Variants in WWOX observed in about 807,000 individuals in gnomAD.
The protein encoded by WWOX is WW domain containing oxidoreductase.
In WWOX, 69 loss-of-function variants were observed where a neutral mutation model predicts 46.2. That is an observed-to-expected ratio of 1.49 (90% CI 1.23 to 1.82). The LOEUF (loss-of-function observed/expected upper bound fraction) is 1.82. Among genes scored for constraint, WWOX ranks in the 40% most tolerant of loss-of-function variants. WWOX has a pLI of 0.00. For missense variants in WWOX, 919 were observed against 542.6 expected (o/e 1.69, Z -6.89); for synonymous variants, 359 against 202.6 (o/e 1.77, Z -6.56).
In WWOX at chr16:79,211,834, G is replaced by C; in HGVS notation, c.*38G>C. On this transcript the variant is annotated 3_prime_UTR_variant, in exon 9 of 9. Coordinates refer to ENST00000566780, the MANE Select transcript of WWOX (RefSeq NM_016373.4). ...GCGGATGGGCACACACACCCGCCCT[G>C]TGTGTGTCCCCTCACGCAAGTGCCA... is the stretch of plus-strand genomic sequence containing the variant. 2 of 1,612,718 alleles carry C rather than the reference G, an allele frequency of 1.2e-6. No individual in the cohort carries two copies. Among genetic ancestry groups the C allele is most frequent in the South Asian group, 1.1e-5 (1 of 90,948 alleles).
chr16:78,228,639 G>A (rs905803457), intron 5 of WWOX, among the ~76,000 whole-genome samples: 3 of 152,166 alleles, frequency 2.0e-5, no homozygotes, highest in Admixed American at 6.5e-5. Context: ...ACTGTATCTG[G>A]CCTAGGAATC....
intron 8 of WWOX, among the ~76,000 whole-genome samples, chr16:78,636,716 C>A (rs944063442): frequency 1.3e-5 from 2 of 152,144 alleles, no homozygotes; most frequent in Non-Finnish European, 2.9e-5. Flanking sequence ...AAACAGGCAA[C>A]CTAGCTCAGC....
At chr16:78,437,753 A>T (rs2083365280) in intron 8 of WWOX, among the ~76,000 whole-genome samples, 1 of 152,256 alleles carries the variant, frequency 6.6e-6, no homozygotes, top group South Asian at 2.1e-4. Flanking sequence ...GCTGCTTCTA[A>T]AATATGTTAA....
chr16:78,923,231 T>G (rs1239861965), intron 8 of WWOX, among the ~76,000 whole-genome samples: 2 of 152,134 alleles, frequency 1.3e-5, no homozygotes, highest in African/African-American at 4.8e-5. Context: ...TCTGCGTAAC[T>G]CGGCCTCCCA....
intron 8 of WWOX, among the ~76,000 whole-genome samples, chr16:78,640,245 T>TG (rs2046673221): frequency 6.9e-6 from 1 of 145,916 alleles, no homozygotes; most frequent in African/African-American, 2.5e-5. Context: ...TTTTTTTTTT[T>TG]TTTTTTTTTG....
At chr16:78,525,068 G>C (rs1440854971) in intron 8 of WWOX, 1 of 150,916 alleles carries the variant, frequency 6.6e-6, no homozygotes, top group East Asian at 2.0e-4. Flanking sequence ...GCCTCACTAT[G>C]TTGCCCAAAC....
chr16:78,465,680 C>G (rs996641629), intron 8 of WWOX, among the ~76,000 whole-genome samples: 1 of 152,176 alleles, frequency 6.6e-6, no homozygotes, highest in Non-Finnish European at 1.5e-5. Flanking sequence ...GTAAATGTTC[C>G]TTGGTATGTA....
At chr16:78,737,545 G>A (rs1271766020) in intron 8 of WWOX, among the ~76,000 whole-genome samples, 1 of 152,062 alleles carries the variant, frequency 6.6e-6, no homozygotes, top group African/African-American at 2.4e-5. Flanking sequence ...CCCGGGCAGT[G>A]TATACTGTAG....
chr16:78,859,120 G>A (rs1398053988), intron 8 of WWOX, among the ~76,000 whole-genome samples: 2 of 141,450 alleles, frequency 1.4e-5, no homozygotes, highest in Admixed American at 7.4e-5. Context: ...AATCGATGAA[G>A]TGGCTCCTTG....
intron 8 of WWOX, among the ~76,000 whole-genome samples, chr16:79,109,817 G>C (rs763887503): frequency 1.3e-5 from 2 of 152,148 alleles, no homozygotes; most frequent in African/African-American, 2.4e-5. Context: ...AGGCAGGCTC[G>C]ATGATACCTG....
chr16:78,548,393 G>A (rs1192530880), intron 8 of WWOX, among the ~76,000 whole-genome samples: 1 of 151,990 alleles, frequency 6.6e-6, no homozygotes, highest in African/African-American at 2.4e-5. Flanking sequence ...ACGCAGAGCA[G>A]AATCCGAATT....
intron 6 of WWOX, among the ~76,000 whole-genome samples, chr16:78,422,910 G>T (rs1488518570): frequency 1.4e-5 from 2 of 146,258 alleles, no homozygotes; most frequent in African/African-American, 5.2e-5. Flanking sequence ...CTTTTAGATG[G>T]AGTGTCTCTC....
At chr16:78,244,262 G>T (rs2037748121) in intron 5 of WWOX, among the ~76,000 whole-genome samples, 1 of 152,196 alleles carries the variant, frequency 6.6e-6, no homozygotes, top group African/African-American at 2.4e-5. Flanking sequence ...GAAGTGCTCA[G>T]CTTTGTGTCT....
intron 8 of WWOX, chr16:78,891,992 A>C (rs2044600926): frequency 6.6e-6 from 1 of 152,158 alleles, no homozygotes; most frequent in South Asian, 2.1e-4. Flanking sequence ...TAGGATATTT[A>C]AGCTGTCAGT....
At chr16:79,192,903 C>T (rs1240914020) in intron 8 of WWOX, among the ~76,000 whole-genome samples, 2 of 152,194 alleles carry the variant, frequency 1.3e-5, no homozygotes, top group African/African-American at 2.4e-5. Context: ...AGGTTAAGGA[C>T]CTGCTGTCAC....
rs147759340 is a variant in WWOX, at chr16:78,785,232, A to C, written c.1056+352480A>C. 3.7e-3 allele frequency among the ~76,000 whole-genome samples: 561 copies of C among 152,346 alleles called. 6 individuals carry two copies. The highest frequency in any genetic ancestry group is 0.019 in the South Asian group (92 of 4,824). Reference sequence around the variant, plus strand: ...AGCAGGCGCTCTCAGCAAAGGAGATAAGGCTGCAGTAATTCTCTTCCCACC... The same window carrying C: ...AGCAGGCGCTCTCAGCAAAGGAGATCAGGCTGCAGTAATTCTCTTCCCACC... On this transcript the variant is annotated intron_variant, in intron 8 of 8. Transcript: ENST00000566780.
At chr16:78,755,136 A>G (rs2049609423) in intron 8 of WWOX, among the ~76,000 whole-genome samples, 1 of 151,914 alleles carries the variant, frequency 6.6e-6, no homozygotes, top group Non-Finnish European at 1.5e-5. Flanking sequence ...TGATAGGTGC[A>G]GCAAACCACC....
chr16:78,623,750 A>C (rs1036517850), intron 8 of WWOX, among the ~76,000 whole-genome samples: 3 of 141,176 alleles, frequency 2.1e-5, no homozygotes, highest in Admixed American at 7.1e-5. Context: ...AAAAAAAAAA[A>C]AGTGTACTTT....
chr16:78,441,358 T>G (rs1039904830), intron 8 of WWOX, among the ~76,000 whole-genome samples: 1 of 152,226 alleles, frequency 6.6e-6, no homozygotes, highest in Non-Finnish European at 1.5e-5. Flanking sequence ...GACCAGGTGC[T>G]GAATCAGTGA....
Sources: allele counts gnomAD v4.1 joint callset (sites outside exome capture counted in the v4.1 genomes callset), GRCh38; gene constraint gnomAD v4.1.1; transcripts MANE v1.5; gene names NCBI Gene and HGNC (gene_info 2026-07-23, HGNC 2026-07-21).